ADGRF4: variants seen among roughly 807,000 people sequenced by gnomAD.
ADGRF4 encodes the protein adhesion G protein-coupled receptor F4.
In ADGRF4, 63 loss-of-function variants were observed where a neutral mutation model predicts 58.5. That is an observed-to-expected ratio of 1.08 (90% CI 0.88 to 1.33). The LOEUF is 1.33. Ranked by LOEUF, ADGRF4 falls within the 40% of genes most tolerant of loss-of-function variation. ADGRF4 has a pLI of 0.00. For missense variants in ADGRF4, 931 were observed against 843.9 expected (o/e 1.10, Z -1.28); for synonymous variants, 313 against 295.4 (o/e 1.06, Z -0.61).
chr6:47,711,006 C>A, intron 4 of ADGRF4, 120 bp downstream of exon 4: 1 of 912,232 alleles, frequency 1.1e-6, no homozygotes, highest in South Asian at 2.0e-5. Flanking sequence ...GAAAAATCTA[C>A]AGAATGGGTT....
chr6:47,715,023 A>G lies in ADGRF4; in HGVS notation c.1778A>G (p.Lys593Arg). 1 of 1,613,324 alleles carries G rather than the reference A, an allele frequency of 6.2e-7. No individual in the cohort carries two copies. The highest frequency in any genetic ancestry group is 1.7e-4 in the Middle Eastern group (1 of 6,056). The part of the protein sequence containing the change: ...NTQRPSIGSS[K>R]SQDVVIIMRI... ...CAGAGGCCCTCTATTGGCAGTTCCAAGTCTCAGGATGTGGTCATAATTATG... is the reference window on the plus strand; with the variant it reads ...CAGAGGCCCTCTATTGGCAGTTCCAGGTCTCAGGATGTGGTCATAATTATG... The change falls in exon 6 of 10, where the codon AAG becomes AGG. Residue 593 changes from lysine (K) to arginine (R), a missense_variant. Physicochemically the swap from Lys to Arg is conservative, Grantham distance 26. Coordinates refer to ENST00000283303, the MANE Select transcript of ADGRF4 (RefSeq NM_153838.5).
intron 1 of ADGRF4, among the ~76,000 whole-genome samples, chr6:47,699,494 T>C (rs1771536680): frequency 1.3e-5 from 2 of 152,244 alleles, no homozygotes; most frequent in South Asian, 4.1e-4. Context: ...GTTGGTGAGA[T>C]ATCTAGATGT....
At chr6:47,720,120 A>T (rs529769061) in intron 9 of ADGRF4, among the ~76,000 whole-genome samples, 1 of 152,220 alleles carries the variant, frequency 6.6e-6, no homozygotes, top group East Asian at 1.9e-4. Flanking sequence ...CCTAACAAAG[A>T]TTACAGTACA....
Position 47,714,886 on chromosome 6 carries a change from G to A in ADGRF4, c.1641G>A (p.Glu547=), listed in dbSNP as rs1207056112. ...TEPEKGYMRP[E]ACWLNWDNTK... is the part of the protein sequence containing the mutation. ...CAGAGAAAGGCTACATGAGACCTGA[G>A]GCCTGTTGGCTTAACTGGGACAATA... Residue 547 remains glutamate, a synonymous_variant, in exon 6 of 10, where the codon GAG becomes GAA. Coordinates refer to ENST00000283303, the MANE Select transcript of ADGRF4 (RefSeq NM_153838.5). 6 of 1,610,126 alleles carry A rather than the reference G, an allele frequency of 3.7e-6. No homozygotes were observed. Among genetic ancestry groups the A allele is most frequent in the African/African-American group, 1.3e-5 (1 of 74,998 alleles).
rs1353426722 is a variant in ADGRF4 at position 47,714,427 on chromosome 6, A to G, written c.1182A>G (p.Lys394=). ...VMSFSILMSS[K]SMTDKVLDYI... is the part of the protein sequence containing the mutation. ...CTTTTTCCATTCTCATGTCCTCCAA[A>G]TCGATGACCGACAAAGTTCTGGACT... The change falls in exon 6 of 10, where the codon AAA becomes AAG. Residue 394 remains lysine, a synonymous_variant. Transcript: ENST00000283303. 4.3e-6 allele frequency: 7 copies of G among 1,614,018 alleles called. No homozygotes were observed. Among genetic ancestry groups the G allele is most frequent in the Non-Finnish European group, 5.9e-6 (7 of 1,180,012 alleles).
At position 47,712,436 on chromosome 6, in the gene ADGRF4, C is replaced by A. The variant is rs750563328; in HGVS notation, c.380C>A (p.Thr127Asn). 1.2e-6 allele frequency: 2 copies of A among 1,613,972 alleles called. No homozygotes were observed. Among genetic ancestry groups the A allele is most frequent in the South Asian group, 2.2e-5 (2 of 91,084 alleles). The change falls in exon 5 of 10, where the codon ACC becomes AAC. Residue 127 changes from threonine (T) to asparagine (N), a missense_variant. Transcript: ENST00000283303. ...ATTCTAGACTTTCGAGCTCCAGAGA[C>A]CATTGAGAGTGTAGCTCAAGGAATC... ...LHILDFRAPE[T>N]IESVAQGIRK... is the part of the protein sequence containing the mutation.
At chr6:47,717,158 T>C in intron 7 of ADGRF4, 134 bp from the exon 8 acceptor site, 1 of 728,556 alleles carries the variant, frequency 1.4e-6, no homozygotes, top group East Asian at 2.5e-5. Context: ...CAAATCTTGT[T>C]ACTTGCCAGT....
At chr6:47,702,494 T>C (rs550985984) in intron 1 of ADGRF4, among the ~76,000 whole-genome samples, 1 of 152,338 alleles carries the variant, frequency 6.6e-6, no homozygotes, top group South Asian at 2.1e-4. Context: ...CAAGGTTAAA[T>C]TTTTCTTCTG....
At chr6:47,708,363 A>T (rs1440885420) in intron 3 of ADGRF4, 85 bp downstream of exon 3, 1 of 987,260 alleles carries the variant, frequency 1.0e-6, no homozygotes, top group Non-Finnish European at 1.6e-6. Flanking sequence ...TTGTCCCCAG[A>T]CCACAGGCTT....
rs200936854 is a variant in ADGRF4 at position 47,715,014 on chromosome 6, G to T, written c.1769G>T (p.Gly590Val). ...GTCAACACTCAGAGGCCCTCTATTG[G>T]CAGTTCCAAGTCTCAGGATGTGGTC... Reference protein sequence around the residue: ...VAVNTQRPSIGSSKSQDVVII... With the variant: ...VAVNTQRPSIVSSKSQDVVII... Residue 590 changes from glycine (G) to valine (V), a missense_variant, in exon 6 of 10, where the codon GGC (glycine) becomes GTC (valine). Gly to Val is a moderately radical substitution (Grantham distance 109). Transcript: ENST00000283303. The T allele has an allele frequency of 3.7e-6, 6 of 1,613,284 alleles. No individual in the cohort carries two copies. In the Admixed American group the frequency reaches 8.3e-5, roughly 22 times the overall value.
Position 47,712,361 on chromosome 6 carries a change from C to G in ADGRF4, c.305C>G (p.Ser102Ter). The change falls in exon 5 of 10, where the codon TCA becomes TGA. Residue 102 changes from serine to a stop codon, truncating the protein, a stop_gained. Transcript: ENST00000283303. LOFTEE classifies it high-confidence loss of function. ...SLSVEKLFKD[S>*]TGASRLSVAA... ...AACTACATTTGTTTTAAACAGGACTCAACTGGTGCATCTCGCCTTTCTGTA... is the reference window on the plus strand; with the variant it reads ...AACTACATTTGTTTTAAACAGGACTGAACTGGTGCATCTCGCCTTTCTGTA... 6.2e-7 allele frequency: 1 copy of G among 1,613,862 alleles called. No individual in the cohort carries two copies. Among genetic ancestry groups the G allele is most frequent in the Non-Finnish European group, 8.5e-7 (1 of 1,179,768 alleles).
rs771477314 is a variant in ADGRF4, at chr6:47,714,417, T to C, written c.1172T>C (p.Met391Thr). The C allele has an allele frequency of 8.7e-5, 141 of 1,614,020 alleles. 1 individual carries two copies. Among genetic ancestry groups the C allele is most frequent in the Non-Finnish European group, 1.1e-4 (132 of 1,180,034 alleles). The change falls in exon 6 of 10, where the codon ATG (methionine) becomes ACG (threonine). Residue 391 changes from methionine to threonine, a missense_variant. Met to Thr is a moderately conservative substitution (Grantham distance 81). Transcript: ENST00000283303. ...GTGGTGATGTCTTTTTCCATTCTCA[T>C]GTCCTCCAAATCGATGACCGACAAA... ...TSVVMSFSIL[M>T]SSKSMTDKVL...
intron 1 of ADGRF4, among the ~76,000 whole-genome samples, 156 bp downstream of exon 1, chr6:47,698,950 G>T (rs1258322441): frequency 6.6e-6 from 1 of 152,214 alleles, no homozygotes; most frequent in Non-Finnish European, 1.5e-5. Flanking sequence ...AAATTGGCTA[G>T]CTCAAGGTTG....
At chr6:47,699,340 A>C (rs941657397) in intron 1 of ADGRF4, among the ~76,000 whole-genome samples, 1 of 152,220 alleles carries the variant, frequency 6.6e-6, no homozygotes, top group Non-Finnish European at 1.5e-5. Flanking sequence ...CAGTTGTGAG[A>C]GGTCTAAAGT....
chr6:47,718,093 A>G (rs887133474), intron 8 of ADGRF4, among the ~76,000 whole-genome samples: 5 of 152,206 alleles, frequency 3.3e-5, no homozygotes, highest in African/African-American at 1.2e-4. Context: ...CTATTCTAAG[A>G]TAGGCATTTT....
intron 3 of ADGRF4, among the ~76,000 whole-genome samples, chr6:47,709,767 C>T (rs1236896274): frequency 6.6e-6 from 1 of 152,002 alleles, no homozygotes; most frequent in Non-Finnish European, 1.5e-5. Flanking sequence ...TCAGCAGGGG[C>T]TGGACAAGGT....
At chr6:47,720,740 G>T (rs1241305334) in intron 9 of ADGRF4, among the ~76,000 whole-genome samples, 1 of 152,186 alleles carries the variant, frequency 6.6e-6, no homozygotes, top group Admixed American at 6.5e-5. Context: ...AAGGCTCTGG[G>T]TTCCTCCAGT....
chr6:47,711,601 GA>G (rs1282792612), intron 4 of ADGRF4, among the ~76,000 whole-genome samples: 1 of 152,196 alleles, frequency 6.6e-6, no homozygotes, highest in Admixed American at 6.5e-5. Flanking sequence ...TTGACCAAAA[GA>G]AAGGAGAGAT....
chr6:47,711,059 T>C (rs1771852904), intron 4 of ADGRF4, among the ~76,000 whole-genome samples, 173 bp downstream of exon 4: 1 of 151,628 alleles, frequency 6.6e-6, no homozygotes, highest in Non-Finnish European at 1.5e-5. Context: ...AACTTTCAGG[T>C]ACTCTCCCTC....
Sources: allele counts gnomAD v4.1 joint callset (sites outside exome capture counted in the v4.1 genomes callset), GRCh38; gene constraint gnomAD v4.1.1; transcripts MANE v1.5; gene names NCBI Gene and HGNC (gene_info 2026-07-23, HGNC 2026-07-21).